NPFFR1: variants seen among roughly 807,000 people sequenced by gnomAD.
NPFFR1 encodes neuropeptide FF receptor 1.
In NPFFR1, 17 loss-of-function variants were observed where a neutral mutation model predicts 12.7. The observed-to-expected ratio is 1.34, with a 90% confidence interval of 0.92 to 2.01. The LOEUF (loss-of-function observed/expected upper bound fraction) is 2.01, where lower values mean the gene tolerates loss of function less well. Among genes scored for constraint, NPFFR1 ranks in the 30% most tolerant of loss-of-function variants. The probability of loss-of-function intolerance (pLI) is 0.00; values close to 1 mark genes in which losing one functional copy is unlikely to be tolerated. For missense variants in NPFFR1, 604 were observed against 606.5 expected (o/e 1.00, Z 0.04); for synonymous variants, 296 against 264.5 (o/e 1.12, Z -1.16).
Position 70,283,991 on chromosome 10 carries a change from G to A in NPFFR1, c.-315C>T, listed in dbSNP as rs1840888966. 6.6e-6 allele frequency among the ~76,000 whole-genome samples: 1 copy of A among 152,168 alleles called. No homozygotes were observed. Among genetic ancestry groups the A allele is most frequent in the African/African-American group, 2.4e-5 (1 of 41,452 alleles). On this transcript the variant is annotated 5_prime_UTR_variant, in exon 1 of 4. Coordinates refer to ENST00000277942, the MANE Select transcript of NPFFR1 (RefSeq NM_022146.5). ...GGGCTCGTGAGGCGCAGTCGTCATG[G>A]CACCCGCGCACCTGTGCCCGCCGAG...
At chr10:70,279,340 G>T (rs10823510) in intron 1 of NPFFR1, among the ~76,000 whole-genome samples, 48,752 of 151,944 alleles carry the variant, frequency 0.32, 8,612 homozygotes, top group South Asian at 0.47. Context: ...AGGAATGGGG[G>T]TTCACCATGT....
At chr10:70,263,548 C>T (rs890151189) in intron 2 of NPFFR1, among the ~76,000 whole-genome samples, 1 of 152,112 alleles carries the variant, frequency 6.6e-6, no homozygotes. Context: ...GCTGGGATTA[C>T]AGGCATGAGC....
chr10:70,265,988 T>G, intron 2 of NPFFR1, 89 bp downstream of exon 2: 1 of 1,264,346 alleles, frequency 7.9e-7, no homozygotes, highest in Non-Finnish European at 1.1e-6. Flanking sequence ...AGCAATGATA[T>G]CTGTCTTCTA....
intron 3 of NPFFR1, among the ~76,000 whole-genome samples, chr10:70,256,210 C>T (rs1840571653): frequency 6.6e-6 from 1 of 151,998 alleles, no homozygotes; most frequent in Admixed American, 6.6e-5. Context: ...TCCTGAGTAG[C>T]TGGAACCACA....
In NPFFR1 at chr10:70,248,056, G is replaced by A. The variant is rs1840467079; in HGVS notation, c.*6901C>T. 6.6e-6 allele frequency: 1 copy of A among 152,142 alleles called. No homozygotes were observed. The highest frequency in any genetic ancestry group is 1.5e-5 in the Non-Finnish European group (1 of 68,036). The allele number at this position is 152,142 out of a possible 1,614,324, so 9.4% of individuals were successfully genotyped here. On this transcript the variant is annotated 3_prime_UTR_variant, in exon 4 of 4. Transcript: ENST00000277942. Reference sequence around the variant, plus strand: ...GGCTGGTTTTATTTTTAGGATTATGGGAGACCTCCATCAAGGCTCTTTCTT... The same window carrying A: ...GGCTGGTTTTATTTTTAGGATTATGAGAGACCTCCATCAAGGCTCTTTCTT...
intron 1 of NPFFR1, among the ~76,000 whole-genome samples, chr10:70,272,294 A>C (rs1840759319): frequency 6.6e-6 from 1 of 152,154 alleles, no homozygotes; most frequent in African/African-American, 2.4e-5. Flanking sequence ...TAAATGAATG[A>C]GCTTAACCCA....
chr10:70,255,342 A>G lies in NPFFR1; in HGVS notation c.908T>C (p.Leu303Pro). ...GAAGGCGTAGACGGTGACCAGGTGC[A>G]GCTGCGGCGCGCTGAGCTGCCCGTA... ...IDYGQLSAPQLHLVTVYAFPF... is the reference protein window; with the variant it reads ...IDYGQLSAPQPHLVTVYAFPF... The change falls in exon 4 of 4, where the codon CTG becomes CCG. Residue 303 changes from leucine to proline, a missense_variant. By Grantham distance (98) the Leu-to-Pro change is moderately conservative (BLOSUM62 -3). Transcript: ENST00000277942. The surrounding 1 kb of genome is among the most constrained non-coding windows in gnomAD (Gnocchi z 4.2). 2 of 1,572,526 alleles carry G rather than the reference A, an allele frequency of 1.3e-6. No individual in the cohort carries two copies. Among genetic ancestry groups the G allele is most frequent in the Non-Finnish European group, 8.6e-7 (1 of 1,163,450 alleles).
chr10:70,270,789 T>A (rs1290613578), intron 1 of NPFFR1, among the ~76,000 whole-genome samples: 1 of 152,182 alleles, frequency 6.6e-6, no homozygotes, highest in Non-Finnish European at 1.5e-5. Context: ...CCAGGTGCCC[T>A]TGTAATTACA....
intron 1 of NPFFR1, among the ~76,000 whole-genome samples, chr10:70,278,307 C>A (rs59189206): frequency 7.5e-4 from 104 of 139,152 alleles, no homozygotes; most frequent in African/African-American, 1.9e-3. Context: ...ACCCACCCCC[C>A]ACCCTGCCCC....
chr10:70,261,777 GTTTGT>G (rs141990333), intron 2 of NPFFR1, among the ~76,000 whole-genome samples: 8 of 152,046 alleles, frequency 5.3e-5, no homozygotes, highest in Non-Finnish European at 7.4e-5. Flanking sequence ...CAGTTGTTTT[GTTTGT>G]TTTGTTTTGT....
Position 70,266,242 on chromosome 10 carries a change from T to C in NPFFR1, c.157A>G (p.Ile53Val). The C allele has an allele frequency of 6.2e-7, 1 of 1,613,994 alleles. No individual in the cohort carries two copies. Among genetic ancestry groups the C allele is most frequent in the Non-Finnish European group, 8.5e-7 (1 of 1,179,880 alleles). Reference protein sequence around the residue: ...AAMFIVAYALIFLLCMVGNTL... With the variant: ...AAMFIVAYALVFLLCMVGNTL... ...TTGCCCACCATGCAGAGCAGGAAGA[T>C]GAGCGCATAGGCCACAATGAACATG... The change falls in exon 2 of 4, where the codon ATC becomes GTC. Residue 53 changes from isoleucine (I) to valine (V), a missense_variant. Coordinates refer to ENST00000277942, the MANE Select transcript of NPFFR1 (RefSeq NM_022146.5).
At chr10:70,275,618 T>A (rs1840796046) in intron 1 of NPFFR1, among the ~76,000 whole-genome samples, 1 of 152,024 alleles carries the variant, frequency 6.6e-6, no homozygotes, top group Non-Finnish European at 1.5e-5. Context: ...ACTAGAAATG[T>A]CTTAGGGGTA....
Position 70,254,645 on chromosome 10 carries a change from C to A in NPFFR1, c.*312G>T. The A allele has an allele frequency of 3.2e-6, 1 of 313,634 alleles. No individual in the cohort carries two copies. The highest frequency in any genetic ancestry group is 5.8e-6 in the Non-Finnish European group (1 of 172,812). The allele number at this position is 313,634 out of a possible 1,614,324, so 19.4% of individuals were successfully genotyped here. ...AGAAACTTGGGTGAGTCACATCTCT[C>A]CAGGCCTCAGTTTTTGCATCTGTAG... On this transcript the variant is annotated 3_prime_UTR_variant, in exon 4 of 4. Transcript: ENST00000277942.
chr10:70,247,355 A>C lies in NPFFR1; in HGVS notation c.*7602T>G, dbSNP rs1035613926. 2 of 152,218 alleles carry C rather than the reference A, an allele frequency of 1.3e-5. No homozygotes were observed. The highest frequency in any genetic ancestry group is 4.8e-5 in the African/African-American group (2 of 41,458). The allele number at this position is 152,218 out of a possible 1,614,324, so 9.4% of individuals were successfully genotyped here. On this transcript the variant is annotated 3_prime_UTR_variant, in exon 4 of 4. Coordinates refer to ENST00000277942, the MANE Select transcript of NPFFR1 (RefSeq NM_022146.5). ...CTTTCATAATGAGTTTATTTTCCAT[A>C]ATTTATAGCATAGGTAACAGAATCA...
chr10:70,247,946 T>G lies in NPFFR1; in HGVS notation c.*7011A>C, dbSNP rs915534152. ...AAACCTTTTACCTAAACTGCTGGTA[T>G]TCCTTCTATCCCAAATCTTTGGAAG... On this transcript the variant is annotated 3_prime_UTR_variant, in exon 4 of 4. Transcript: ENST00000277942. 2 of 152,246 alleles carry G rather than the reference T, an allele frequency of 1.3e-5. No individual in the cohort carries two copies. Among genetic ancestry groups the G allele is most frequent in the African/African-American group, 4.8e-5 (2 of 41,458 alleles). 9.4% of individuals were successfully genotyped at this position (152,246 alleles called of 1,614,324 possible). A position where few individuals can be genotyped will look rare whatever the true frequency, so the allele number is the denominator to read the frequency against.
At position 70,254,677 on chromosome 10, in the gene NPFFR1, G is replaced by A. The variant is rs895888974; in HGVS notation, c.*280C>T. 2.7e-6 allele frequency: 1 copy of A among 368,896 alleles called. No homozygotes were observed. Among genetic ancestry groups the A allele is most frequent in the African/African-American group, 2.1e-5 (1 of 47,962 alleles). 22.9% of individuals were successfully genotyped at this position (368,896 alleles called of 1,614,324 possible). A position where few individuals can be genotyped will look rare whatever the true frequency, so the allele number is the denominator to read the frequency against. ...TCAGTTTTTGCATCTGTAGAAGGAAGAGAAGACAACCTATCTCCAAAGCGT... is the reference window on the plus strand; with the variant it reads ...TCAGTTTTTGCATCTGTAGAAGGAAAAGAAGACAACCTATCTCCAAAGCGT... On this transcript the variant is annotated 3_prime_UTR_variant, in exon 4 of 4. Coordinates refer to ENST00000277942, the MANE Select transcript of NPFFR1 (RefSeq NM_022146.5).
Position 70,266,073 on chromosome 10 carries a change from T to TCAC in NPFFR1, c.322+1_322+3dup. 3 of 1,612,648 alleles carry TCAC rather than the reference T, an allele frequency of 1.9e-6. No individual in the cohort carries two copies. Among genetic ancestry groups the TCAC allele is most frequent in the Non-Finnish European group, 2.5e-6 (3 of 1,179,032 alleles). On this transcript the variant is annotated splice_donor_region_variant and intron_variant, in intron 2 of 3. Coordinates refer to ENST00000277942, the MANE Select transcript of NPFFR1 (RefSeq NM_022146.5). Reference sequence around the variant, plus strand: ...CACTCCTGCTGCCAACTGCCCGCACTCACCAGTGATGAGGTTGTCCACAAG... The same window carrying TCAC: ...CACTCCTGCTGCCAACTGCCCGCACTCACCACCAGTGATGAGGTTGTCCACAAG...
At chr10:70,262,682 T>C (rs1840646347) in intron 2 of NPFFR1, among the ~76,000 whole-genome samples, 1 of 152,246 alleles carries the variant, frequency 6.6e-6, no homozygotes, top group Non-Finnish European at 1.5e-5. Context: ...TCTGTGACAG[T>C]GGGTTAGAAT....
In NPFFR1 at chr10:70,265,948, G is replaced by A. The variant is rs1353310907; in HGVS notation, c.322+129C>T. ...AGCCCCAAGACTGTCTTGAGAGTTC[G>A]AGACCACGGCATGGCCAAGAGGCCA... On this transcript the variant is annotated intron_variant, in intron 2 of 3. Transcript: ENST00000277942. 11 of 805,242 alleles carry A rather than the reference G, an allele frequency of 1.4e-5. No individual in the cohort carries two copies. The South Asian group carries it at 1.5e-4, about 11-fold the overall frequency. The allele number at this position is 805,242 out of a possible 1,614,324, so 49.9% of individuals were successfully genotyped here. A position where few individuals can be genotyped will look rare whatever the true frequency, so the allele number is the denominator to read the frequency against.
Sources: gnomAD v4.1 joint callset for allele counts (sites outside exome capture counted in the v4.1 genomes callset) on GRCh38, gnomAD v4.1.1 for gene constraint, Gnocchi (gnomAD v3.1) non-coding constraint, MANE v1.5 for transcripts, NCBI Gene and HGNC (gene_info 2026-07-23, HGNC 2026-07-21) for gene names.